Variants in RBSN observed in about 807,000 individuals in gnomAD.
RBSN encodes rabenosyn, RAB effector, also known as rabenosyn-5.
A neutral mutation model predicts 60.5 loss-of-function variants in RBSN; 34 were observed. That is an observed-to-expected ratio of 0.56 (90% CI 0.43 to 0.75). RBSN has a LOEUF of 0.75. Ranked by LOEUF, RBSN falls within the 30% of genes least tolerant of loss-of-function variation. The pLI, the probability that RBSN is intolerant of heterozygous loss-of-function variation, is 0.00. For missense variants in RBSN, 845 were observed against 986.8 expected, an observed-to-expected ratio of 0.86 and a Z score of 1.92; for synonymous variants, 322 against 366.9, an observed-to-expected ratio of 0.88 and a Z score of 1.40.
Position 15,082,486 on chromosome 3 carries a change from G to T in RBSN, c.721C>A (p.Leu241Met). 11 of 1,614,130 alleles carry T rather than the reference G, an allele frequency of 6.8e-6. 1 individual carries two copies. The highest frequency in any genetic ancestry group is 4.0e-5 in the African/African-American group (3 of 75,032). The change falls in exon 9 of 14, where the codon CTG becomes ATG. Residue 241 changes from leucine (L) to methionine (M), a missense_variant. Transcript: ENST00000253699. The surrounding 1 kb of genome is among the most constrained non-coding windows in gnomAD (Gnocchi z 4.2). ...ATCCGGTCATCGTCCTTCTCATCCA[G>T]GACCGAGCTGACACTGCTCATGCTG... ...ISSMSSVSSV[L>M]DEKDDDRIRC...
intron 4 of RBSN, among the ~76,000 whole-genome samples, chr3:15,091,025 A>G (rs1041030914): frequency 2.6e-5 from 4 of 151,902 alleles, no homozygotes; most frequent in African/African-American, 9.7e-5. Flanking sequence ...CCTGGGCAAC[A>G]TGACAAAACC....
intron 4 of RBSN, chr3:15,091,559 C>T: frequency 8.2e-7 from 1 of 1,216,006 alleles, no homozygotes; most frequent in Non-Finnish European, 1.1e-6. Flanking sequence ...CTGTATTTAG[C>T]CATCGTATGT....
chr3:15,074,193 C>T lies in RBSN; in HGVS notation c.1944G>A (p.Gly648=). ...TGCGGGCTGAAGGGTCTAAGGAAAC[C>T]CCTGCAGCAGGAGGACCAGTAGTGG... ...EEATTGPPAA[G]VSLDPSARIL... Residue 648 remains glycine (G), a synonymous_variant, in exon 14 of 14, where the codon GGG becomes GGA. Coordinates refer to ENST00000253699, the MANE Select transcript of RBSN (RefSeq NM_022340.4). This position sits in a 1 kb window ranked among gnomAD's most constrained non-coding sequence, Gnocchi z 6.4. 2 of 1,610,836 alleles carry T rather than the reference C, an allele frequency of 1.2e-6. No homozygotes were observed. Among genetic ancestry groups the T allele is most frequent in the Non-Finnish European group, 1.7e-6 (2 of 1,178,106 alleles).
At position 15,084,683 on chromosome 3, in the gene RBSN, G is replaced by C; in HGVS notation, c.598+52C>G. 1.3e-6 allele frequency: 2 copies of C among 1,519,554 alleles called. No homozygotes were observed. The highest frequency in any genetic ancestry group is 1.8e-6 in the Non-Finnish European group (2 of 1,134,246). The allele number at this position is 1,519,554 out of a possible 1,614,324, so 94.1% of individuals were successfully genotyped here. ...GATCCCAGTGGTAATTAGCAAATAA[G>C]CTAGGCCCAAAAGAAGATGAGGGTC... On this transcript the variant is annotated intron_variant, in intron 8 of 13. Coordinates refer to ENST00000253699, the MANE Select transcript of RBSN (RefSeq NM_022340.4). This position sits in a 1 kb window ranked among gnomAD's most constrained non-coding sequence, Gnocchi z 4.2.
At chr3:15,097,782 G>A (rs1559356517) in intron 2 of RBSN, among the ~76,000 whole-genome samples, 1 of 152,108 alleles carries the variant, frequency 6.6e-6, no homozygotes, top group Non-Finnish European at 1.5e-5. Flanking sequence ...GACTGTAGAA[G>A]ACCACCGAGG....
chr3:15,090,795 T>A (rs1198626301), intron 4 of RBSN, among the ~76,000 whole-genome samples: 1 of 152,196 alleles, frequency 6.6e-6, no homozygotes, highest in African/African-American at 2.4e-5. Flanking sequence ...AAATTACTGC[T>A]CATTGCCAAA....
rs574553518 is a variant in RBSN, at chr3:15,082,008, G to A, written c.840+359C>T. Among the ~76,000 whole-genome samples, 10 of 152,290 alleles carry A rather than the reference G, an allele frequency of 6.6e-5. No homozygotes were observed. In the South Asian group the frequency reaches 2.1e-3, roughly 32 times the overall value. ...TAACACTCCCAAGTGAGTTTCCCAG[G>A]ATTCTTCTGGCCCACTGTTTATGAA... is the stretch of plus-strand genomic sequence containing the variant. On this transcript the variant is annotated intron_variant, in intron 9 of 13. Coordinates refer to ENST00000253699, the MANE Select transcript of RBSN (RefSeq NM_022340.4). This position sits in a 1 kb window ranked among gnomAD's most constrained non-coding sequence, Gnocchi z 4.2.
At chr3:15,087,196 T>A (rs1375132495) in intron 5 of RBSN, among the ~76,000 whole-genome samples, 1 of 152,154 alleles carries the variant, frequency 6.6e-6, no homozygotes, top group African/African-American at 2.4e-5. Flanking sequence ...TCTCACTGAT[T>A]TTCAAGAATA....
chr3:15,089,490 A>AC (rs1442245828), intron 5 of RBSN, among the ~76,000 whole-genome samples: 1 of 147,080 alleles, frequency 6.8e-6, no homozygotes, highest in African/African-American at 2.5e-5. Flanking sequence ...AAAAAAAAAA[A>AC]CAGATATGTA....
intron 2 of RBSN, among the ~76,000 whole-genome samples, chr3:15,097,888 AC>A (rs2043705787): frequency 1.3e-5 from 2 of 152,032 alleles, no homozygotes; most frequent in South Asian, 4.2e-4. Flanking sequence ...TAGTTAAGAA[AC>A]CCAGTGACTT....
intron 4 of RBSN, 44 bp from the exon 5 acceptor site, chr3:15,090,583 C>T (rs371505640): frequency 6.3e-7 from 1 of 1,577,220 alleles, no homozygotes; most frequent in Non-Finnish European, 8.6e-7. Context: ...ATGAAGAACA[C>T]CCAGTAAACA....
rs917729818 is a variant in RBSN, at chr3:15,075,527, A to G, written c.1206+79T>C. The G allele has an allele frequency of 3.4e-6, 4 of 1,169,834 alleles. No homozygotes were observed. In the South Asian group the frequency reaches 3.7e-5, roughly 11 times the overall value. The allele number at this position is 1,169,834 out of a possible 1,614,324, so 72.5% of individuals were successfully genotyped here. ...AGGTTCTGATTCACTACAACCGCAC[A>G]CAACCTGGGAGCCCATGGCAGCCTC... On this transcript the variant is annotated intron_variant, in intron 13 of 13. Transcript: ENST00000253699.
At chr3:15,085,785 G>T (rs1228160157) in intron 6 of RBSN, 76 bp downstream of exon 6, 3 of 1,192,734 alleles carry the variant, frequency 2.5e-6, no homozygotes, top group Non-Finnish European at 3.7e-6. Flanking sequence ...TACAACACAG[G>T]CTATAGAAAT....
chr3:15,072,195 C>T lies in RBSN; in HGVS notation c.*1587G>A, dbSNP rs553668521. On this transcript the variant is annotated 3_prime_UTR_variant, in exon 14 of 14. Coordinates refer to ENST00000253699, the MANE Select transcript of RBSN (RefSeq NM_022340.4). ...TCACTTGAGGCCAGGAGTTCGAAAC[C>T]AGCCTGGCCAAAATGGTGAAACTCT... The T allele has an allele frequency of 6.6e-6, 1 of 152,484 alleles. No homozygotes were observed. The highest frequency in any genetic ancestry group is 1.5e-5 in the Non-Finnish European group (1 of 68,094). 9.4% of individuals were successfully genotyped at this position (152,484 alleles called of 1,614,324 possible). A position where few individuals can be genotyped will look rare whatever the true frequency, so the allele number is the denominator to read the frequency against.
rs372187879 is a variant in RBSN at position 15,084,442 on chromosome 3, G to A, written c.598+293C>T. 9.2e-4 allele frequency among the ~76,000 whole-genome samples: 139 copies of A among 151,414 alleles called. No homozygotes were observed. The highest frequency in any genetic ancestry group is 3.2e-3 in the African/African-American group (132 of 41,326). ...CTAGTGTTCACATTTTTAAAAGGTT[G>A]TTTAAAGAAAGAAGAAATGTCACAG... On this transcript the variant is annotated intron_variant, in intron 8 of 13. Coordinates refer to ENST00000253699, the MANE Select transcript of RBSN (RefSeq NM_022340.4). This position sits in a 1 kb window ranked among gnomAD's most constrained non-coding sequence, Gnocchi z 4.2.
chr3:15,094,646 C>A (rs2043604268), intron 4 of RBSN, among the ~76,000 whole-genome samples: 2 of 152,190 alleles, frequency 1.3e-5, no homozygotes, highest in South Asian at 4.1e-4. Context: ...GTTCTATAGC[C>A]TCTACAGCCA....
chr3:15,088,169 T>C (rs1255607773), intron 5 of RBSN, among the ~76,000 whole-genome samples: 1 of 151,894 alleles, frequency 6.6e-6, no homozygotes, highest in Non-Finnish European at 1.5e-5. Flanking sequence ...AAATAAATAT[T>C]AACTTCTAAA....
chr3:15,078,145 A>C lies in RBSN; in HGVS notation c.928T>G (p.Tyr310Asp). The stretch of plus-strand genomic sequence containing the variant: ...AGGTCACTGGCATGTTCCAGACTGT[A>C]GGTTGTCTCCCCAGCACTAAGGAGA... ...AASLNAGETT[Y>D]SLEHASDLRV... Residue 310 changes from tyrosine (Y) to aspartate (D), a missense_variant, in exon 11 of 14, where the codon TAC (tyrosine) becomes GAC (aspartate). Tyr to Asp is a radical substitution (Grantham distance 160). Coordinates refer to ENST00000253699, the MANE Select transcript of RBSN (RefSeq NM_022340.4). The C allele has an allele frequency of 6.2e-7, 1 of 1,614,190 alleles. No individual in the cohort carries two copies. The highest frequency in any genetic ancestry group is 8.5e-7 in the Non-Finnish European group (1 of 1,180,016).
At chr3:15,075,195 T>C (rs1262905241) in intron 13 of RBSN, 3 of 573,416 alleles carry the variant, frequency 5.2e-6, no homozygotes, top group Non-Finnish European at 9.3e-6. Context: ...GCCGTATACT[T>C]TTCTTAAACC....
Sources: allele counts gnomAD v4.1 joint callset (sites outside exome capture counted in the v4.1 genomes callset), GRCh38; gene constraint gnomAD v4.1.1; non-coding constraint Gnocchi (gnomAD v3.1); transcripts MANE v1.5; gene names NCBI Gene and HGNC (gene_info 2026-07-23, HGNC 2026-07-21).